The following COL9A2 variants were observed in gnomAD, a reference collection of about 807,000 sequenced individuals.
COL9A2 encodes the protein collagen type IX alpha 2 chain, also known as collagen alpha-2(IX) chain.
A neutral mutation model predicts 111.6 loss-of-function variants in COL9A2; 66 were observed. The observed-to-expected ratio is 0.59, with a 90% CI of 0.48 to 0.73. The LOEUF is 0.73. Ranked by LOEUF, COL9A2 falls within the 30% of genes least tolerant of loss-of-function variation. The probability of loss-of-function intolerance (pLI) is 0.00; values close to 1 mark genes in which losing one functional copy is unlikely to be tolerated. For missense variants in COL9A2, 881 were observed against 954.1 expected, an observed-to-expected ratio of 0.92 and a Z score of 1.01; for synonymous variants, 353 against 364.1, an observed-to-expected ratio of 0.97 and a Z score of 0.35.
chr1:40,309,889 C>T (rs373947324), intron 16 of COL9A2, 49 bp downstream of exon 16: 1 of 1,601,460 alleles, frequency 6.2e-7, no homozygotes, highest in Non-Finnish European at 8.5e-7. Flanking sequence ...TTGTCCTGCC[C>T]AGTACTCCCC....
chr1:40,311,776 C>T lies in COL9A2; in HGVS notation c.418-61G>A. On this transcript the variant is annotated intron_variant, in intron 8 of 31. Transcript: ENST00000372748. This position sits in a 1 kb window ranked among gnomAD's most constrained non-coding sequence, Gnocchi z 5.1. ...CAGCCCTTACCAGCTTACCCTAGTG[C>T]CCTCCTCCAGGTCCTGCCTCTGCCC... The T allele has an allele frequency of 1.9e-6, 3 of 1,546,646 alleles. No homozygotes were observed.
chr1:40,311,028 G>A lies in COL9A2; in HGVS notation c.630+65C>T. On this transcript the variant is annotated intron_variant, in intron 12 of 31. Coordinates refer to ENST00000372748, the MANE Select transcript of COL9A2 (RefSeq NM_001852.4). The surrounding 1 kb of genome is among the most constrained non-coding windows in gnomAD (Gnocchi z 5.1). ...GGGGAAGGGGAAGGGACGAAGAAGGGGACAGAGCCCTGTAGGACCATCTCC... is the reference window on the plus strand; with the variant it reads ...GGGGAAGGGGAAGGGACGAAGAAGGAGACAGAGCCCTGTAGGACCATCTCC... The A allele has an allele frequency of 1.3e-6, 2 of 1,597,304 alleles. No individual in the cohort carries two copies. Among genetic ancestry groups the A allele is most frequent in the South Asian group, 2.2e-5 (2 of 90,704 alleles).
At chr1:40,304,194 T>TTTCCAACCAGACCAGAACTC in intron 24 of COL9A2, 95 bp from the exon 25 acceptor site, 2 of 1,516,732 alleles carry the variant, frequency 1.3e-6, no homozygotes, top group Admixed American at 4.1e-5. Flanking sequence ...CAACTCCGCC[T>TTTCCAACCAGACCAGAACTC]CGCCGACCAG....
At position 40,314,207 on chromosome 1, in the gene COL9A2, C is replaced by G; in HGVS notation, c.247G>C (p.Asp83His). 6.2e-7 allele frequency: 1 copy of G among 1,614,236 alleles called. No homozygotes were observed. Among genetic ancestry groups the G allele is most frequent in the Non-Finnish European group, 8.5e-7 (1 of 1,180,042 alleles). Residue 83 changes from aspartate to histidine, a missense_variant and splice_region_variant, in exon 4 of 32, where the codon GAT becomes CAT. Asp to His is a moderately conservative substitution (Grantham distance 81, BLOSUM62 -1). Transcript: ENST00000372748. The surrounding 1 kb of genome is among the most constrained non-coding windows in gnomAD (Gnocchi z 4.1). ...PDGPDGKPGI[D>H]GLTGAKGEPG... is the part of the protein sequence containing the mutation. ...CCACCCGACACTCAGCTACTCACAT[C>G]AATCCCGGGCTTCCCGTCTGGCCCA...
At position 40,302,037 on chromosome 1, in the gene COL9A2, A is replaced by G. The variant is rs1176529124; in HGVS notation, c.1793-148T>C. 2.6e-6 allele frequency: 2 copies of G among 768,534 alleles called. No homozygotes were observed. The highest frequency in any genetic ancestry group is 5.4e-5 in the East Asian group (2 of 37,380). 47.6% of individuals were successfully genotyped at this position (768,534 alleles called of 1,614,324 possible). ...GGAAATGGTCACGCAGGGCTTGTTA[A>G]ATAAAGGAAGGTGCAGACAAAGGAT... is the stretch of plus-strand genomic sequence containing the variant. On this transcript the variant is annotated intron_variant, in intron 30 of 31. Coordinates refer to ENST00000372748, the MANE Select transcript of COL9A2 (RefSeq NM_001852.4). The surrounding 1 kb of genome is among the most constrained non-coding windows in gnomAD (Gnocchi z 4.5).
Position 40,307,892 on chromosome 1 carries a change from C to T in COL9A2, c.901-136G>A, listed in dbSNP as rs1644055666. The stretch of plus-strand genomic sequence containing the variant: ...TGGTCATCCCAGGAAGCCCCACTGG[C>T]CAACTGGGGGAGGGGAGTTGAAGTG... On this transcript the variant is annotated intron_variant, in intron 17 of 31. Coordinates refer to ENST00000372748, the MANE Select transcript of COL9A2 (RefSeq NM_001852.4). The surrounding 1 kb of genome is among the most constrained non-coding windows in gnomAD (Gnocchi z 4.8). 1.1e-6 allele frequency: 1 copy of T among 915,100 alleles called. No homozygotes were observed. Among genetic ancestry groups the T allele is most frequent in the African/African-American group, 1.6e-5 (1 of 61,140 alleles). 56.7% of individuals were successfully genotyped at this position (915,100 alleles called of 1,614,324 possible).
At chr1:40,301,410 G>A in intron 31 of COL9A2, 29 bp from the exon 32 acceptor site, 1 of 1,584,460 alleles carries the variant, frequency 6.3e-7, no homozygotes, top group Non-Finnish European at 8.6e-7. Context: ...CAAGACATTA[G>A]GGGCACCTCT....
rs536338441 is a variant in COL9A2, at chr1:40,314,758, G to A, written c.151-371C>T. ...GGAAGGTTGGGGCTTTTAGAGAAACGTGAAGGGGGATGAGCGAGTTGGGCA... is the reference window on the plus strand; with the variant it reads ...GGAAGGTTGGGGCTTTTAGAGAAACATGAAGGGGGATGAGCGAGTTGGGCA... On this transcript the variant is annotated intron_variant, in intron 2 of 31. Transcript: ENST00000372748. The surrounding 1 kb of genome is among the most constrained non-coding windows in gnomAD (Gnocchi z 4.1). Among the ~76,000 whole-genome samples the A allele has an allele frequency of 2.0e-5, 3 of 152,280 alleles. No homozygotes were observed. In the East Asian group the frequency reaches 5.8e-4, roughly 29 times the overall value.
intron 31 of COL9A2, 125 bp downstream of exon 31, chr1:40,301,687 G>C: frequency 1.1e-6 from 1 of 939,006 alleles, no homozygotes; most frequent in Non-Finnish European, 1.6e-6. Flanking sequence ...AAGGGGTGCA[G>C]AAGCTGGGTA....
At position 40,316,848 on chromosome 1, in the gene COL9A2, C is replaced by T; in HGVS notation, c.75+275G>A. On this transcript the variant is annotated intron_variant, in intron 1 of 31. Transcript: ENST00000372748. The surrounding 1 kb of genome is among the most constrained non-coding windows in gnomAD (Gnocchi z 5.5). Reference sequence around the variant, plus strand: ...CCTGGGCTCCCCGGGCTGCCAGGACCGGGCGCCAGCTCCTGCCCCACGCTG... The same window carrying T: ...CCTGGGCTCCCCGGGCTGCCAGGACTGGGCGCCAGCTCCTGCCCCACGCTG... The T allele has an allele frequency of 1.8e-6, 1 of 565,066 alleles. No individual in the cohort carries two copies. The highest frequency in any genetic ancestry group is 3.1e-5 in the East Asian group (1 of 31,926). 35.0% of individuals were successfully genotyped at this position (565,066 alleles called of 1,614,324 possible). A position where few individuals can be genotyped will look rare whatever the true frequency, so the allele number is the denominator to read the frequency against.
rs1644050485 is a variant in COL9A2, at chr1:40,307,611, C to T, written c.954+92G>A. 6.3e-7 allele frequency: 1 copy of T among 1,582,526 alleles called. No homozygotes were observed. Among genetic ancestry groups the T allele is most frequent in the African/African-American group, 1.3e-5 (1 of 74,208 alleles). ...GATCCAGAGGCAAGAAAGGGCATGT[C>T]CATGACCTGAGGACCCCAGGCTCTT... On this transcript the variant is annotated intron_variant, in intron 18 of 31. Transcript: ENST00000372748. The surrounding 1 kb of genome is among the most constrained non-coding windows in gnomAD (Gnocchi z 4.8).
In COL9A2 at chr1:40,315,343, T is replaced by C. The variant is rs573526020; in HGVS notation, c.150+247A>G. On this transcript the variant is annotated intron_variant, in intron 2 of 31. Coordinates refer to ENST00000372748, the MANE Select transcript of COL9A2 (RefSeq NM_001852.4). Reference sequence around the variant, plus strand: ...AGGGGGATGAGGCCTCGCTGTGAGCTGCGGCCGGCGGACTGAACAGCAGCT... The same window carrying C: ...AGGGGGATGAGGCCTCGCTGTGAGCCGCGGCCGGCGGACTGAACAGCAGCT... 8.0e-5 allele frequency: 108 copies of C among 1,344,778 alleles called. 1 individual carries two copies. Among genetic ancestry groups the C allele is most frequent in the Non-Finnish European group, 9.9e-5 (104 of 1,047,714 alleles). The allele number at this position is 1,344,778 out of a possible 1,614,324, so 83.3% of individuals were successfully genotyped here.
In COL9A2 at chr1:40,303,686, G is replaced by A. The variant is rs1557792836; in HGVS notation, c.1402-10C>T. 1.3e-6 allele frequency: 2 copies of A among 1,549,598 alleles called. No individual in the cohort carries two copies. The highest frequency in any genetic ancestry group is 1.9e-5 in the Admixed American group (1 of 51,642). ...CTCCACGTACTCCTTGCTGCGGGGG[G>A]ATGGGGGTGGGAGCAGAGCCGGGTG... On this transcript the variant is annotated splice_polypyrimidine_tract_variant and intron_variant, in intron 27 of 31. Coordinates refer to ENST00000372748, the MANE Select transcript of COL9A2 (RefSeq NM_001852.4). This position sits in a 1 kb window ranked among gnomAD's most constrained non-coding sequence, Gnocchi z 4.6.
In COL9A2 at chr1:40,312,369, C is replaced by T; in HGVS notation, c.363+87G>A. On this transcript the variant is annotated intron_variant, in intron 7 of 31. Transcript: ENST00000372748. This position sits in a 1 kb window ranked among gnomAD's most constrained non-coding sequence, Gnocchi z 6.0. ...ACTATCACAGCAAGCTGGCTCCTTCCCATGGTGGCCATTCCCTCGAAGCCT... is the reference window on the plus strand; with the variant it reads ...ACTATCACAGCAAGCTGGCTCCTTCTCATGGTGGCCATTCCCTCGAAGCCT... 2 of 1,540,552 alleles carry T rather than the reference C, an allele frequency of 1.3e-6. No homozygotes were observed. The highest frequency in any genetic ancestry group is 1.2e-5 in the South Asian group (1 of 85,692).
rs531687731 is a variant in COL9A2 at position 40,316,433 on chromosome 1, A to C, written c.75+690T>G. On this transcript the variant is annotated intron_variant, in intron 1 of 31. Transcript: ENST00000372748. This position sits in a 1 kb window ranked among gnomAD's most constrained non-coding sequence, Gnocchi z 5.5. Reference sequence around the variant, plus strand: ...TTTCAGGGAGGTCACAAGTCATATCAAGATGAGGCGAGCTCACAGCTGGAG... The same window carrying C: ...TTTCAGGGAGGTCACAAGTCATATCCAGATGAGGCGAGCTCACAGCTGGAG... Among the ~76,000 whole-genome samples, 3 of 152,276 alleles carry C rather than the reference A, an allele frequency of 2.0e-5. 1 individual carries two copies. The South Asian group carries it at 6.2e-4, about 32-fold the overall frequency.
In COL9A2 at chr1:40,311,997, C is replaced by A; in HGVS notation, c.417+62G>T. On this transcript the variant is annotated intron_variant, in intron 8 of 31. Coordinates refer to ENST00000372748, the MANE Select transcript of COL9A2 (RefSeq NM_001852.4). The surrounding 1 kb of genome is among the most constrained non-coding windows in gnomAD (Gnocchi z 5.1). Reference sequence around the variant, plus strand: ...GCCCAGGAACTTCCAGAAAGACCACCCAGCTTGCCAGCTTGGAGATAGAAG... The same window carrying A: ...GCCCAGGAACTTCCAGAAAGACCACACAGCTTGCCAGCTTGGAGATAGAAG... 6.5e-7 allele frequency: 1 copy of A among 1,532,198 alleles called. No individual in the cohort carries two copies. The highest frequency in any genetic ancestry group is 8.9e-7 in the Non-Finnish European group (1 of 1,122,286). The allele number at this position is 1,532,198 out of a possible 1,614,324, so 94.9% of individuals were successfully genotyped here.
In COL9A2 at chr1:40,310,022, C is replaced by T; in HGVS notation, c.793-31G>A. Reference sequence around the variant, plus strand: ...AAGAAAGACAAGCAGGAATCCAGGTCACACAGGCTCAGGGGGAGCCATGCC... The same window carrying T: ...AAGAAAGACAAGCAGGAATCCAGGTTACACAGGCTCAGGGGGAGCCATGCC... On this transcript the variant is annotated intron_variant, in intron 15 of 31. Coordinates refer to ENST00000372748, the MANE Select transcript of COL9A2 (RefSeq NM_001852.4). This position sits in a 1 kb window ranked among gnomAD's most constrained non-coding sequence, Gnocchi z 4.9. 6.2e-7 allele frequency: 1 copy of T among 1,614,126 alleles called. No homozygotes were observed. The highest frequency in any genetic ancestry group is 8.5e-7 in the Non-Finnish European group (1 of 1,179,996).
chr1:40,310,646 G>A lies in COL9A2; in HGVS notation c.684+68C>T, dbSNP rs3737817. On this transcript the variant is annotated intron_variant, in intron 13 of 31. Transcript: ENST00000372748. This position sits in a 1 kb window ranked among gnomAD's most constrained non-coding sequence, Gnocchi z 4.9. ...TTTTACAAGCTAGAGGCCTGAGCAG[G>A]GGAATGACTCCATGAAGGGCTCCTG... 1.9e-3 allele frequency: 2,524 copies of A among 1,352,724 alleles called. 33 individuals are homozygous for A. In the East Asian group the frequency reaches 0.03, roughly 16 times the overall value. 83.8% of individuals were successfully genotyped at this position (1,352,724 alleles called of 1,614,324 possible).
chr1:40,301,953 C>T, intron 30 of COL9A2, 64 bp from the exon 31 acceptor site: 3 of 1,478,076 alleles, frequency 2.0e-6, no homozygotes, highest in Non-Finnish European at 2.8e-6. Context: ...CTATTTTTTG[C>T]TATGTTTCAC....
Sources: gnomAD v4.1 joint callset for allele counts (sites outside exome capture counted in the v4.1 genomes callset) on GRCh38, gnomAD v4.1.1 for gene constraint, Gnocchi (gnomAD v3.1) non-coding constraint, MANE v1.5 for transcripts, NCBI Gene and HGNC (gene_info 2026-07-23, HGNC 2026-07-21) for gene names.